Variants in HPX observed in about 807,000 individuals in gnomAD.
HPX encodes hemopexin.
In HPX, 42 loss-of-function variants were observed where a neutral mutation model predicts 53.8. The observed-to-expected ratio is 0.78, with a 90% CI of 0.61 to 1.01. The LOEUF is 1.01. Ranked by LOEUF, HPX falls within the 50% of genes least tolerant of loss-of-function variation. HPX has a pLI of 0.00. For missense variants in HPX, 547 were observed against 594.3 expected, an observed-to-expected ratio of 0.92 and a Z score of 0.83; for synonymous variants, 229 against 221.1, an observed-to-expected ratio of 1.04 and a Z score of -0.32.
chr11:6,440,912 A>G lies in HPX; in HGVS notation c.52T>C (p.Trp18Arg), dbSNP rs1235546450. 6.2e-7 allele frequency: 1 copy of G among 1,612,984 alleles called. No individual in the cohort carries two copies. Among genetic ancestry groups the G allele is most frequent in the African/African-American group, 1.3e-5 (1 of 75,026 alleles). ...PVALGLWSLC[W>R]SLAIATPLPP... ...AGAGGGGTGGCAATGGCCAGAGACC[A>G]GCATAGGCTCCACAACCCCAGTGCA... Residue 18 changes from tryptophan to arginine, a missense_variant, in exon 1 of 10, where the codon TGG becomes CGG. Transcript: ENST00000265983.
chr11:6,431,512 GGGGAT>G (rs1849347973), intron 9 of HPX, 42 bp from the exon 10 acceptor site: 1 of 1,612,402 alleles, frequency 6.2e-7, no homozygotes, highest in Admixed American at 1.7e-5. Context: ...TCCATGTCAT[GGGGAT>G]CCTGACCTAG....
chr11:6,433,739 T>C (rs562370349), intron 7 of HPX, among the ~76,000 whole-genome samples: 4 of 152,360 alleles, frequency 2.6e-5, no homozygotes, highest in South Asian at 2.1e-4. Context: ...CTCCCTTTTA[T>C]GGTTGAAAAC....
At position 6,431,485 on chromosome 11, in the gene HPX, C is replaced by T; in HGVS notation, c.1130-15G>A. 11 of 1,613,880 alleles carry T rather than the reference C, an allele frequency of 6.8e-6. No homozygotes were observed. The highest frequency in any genetic ancestry group is 5.0e-5 in the Admixed American group (3 of 60,020). On this transcript the variant is annotated splice_polypyrimidine_tract_variant and intron_variant, in intron 9 of 9. Transcript: ENST00000265983. ...CAGCCGCCGTCCTGGGGAGAAGGCACCAAACATAGCATGGCTTCCATGTCA... is the reference window on the plus strand; with the variant it reads ...CAGCCGCCGTCCTGGGGAGAAGGCATCAAACATAGCATGGCTTCCATGTCA...
At chr11:6,437,678 T>C in intron 5 of HPX, 26 bp from the exon 6 acceptor site, 1 of 1,595,858 alleles carries the variant, frequency 6.3e-7, no homozygotes, top group Non-Finnish European at 8.6e-7. Flanking sequence ...CAACAGGCAT[T>C]TGGTGAGACC....
chr11:6,437,716 T>G (rs1849435429), intron 5 of HPX, 64 bp from the exon 6 acceptor site: 2 of 1,347,958 alleles, frequency 1.5e-6, no homozygotes, highest in South Asian at 2.4e-5. Flanking sequence ...GTGCTTTCTC[T>G]GGGTCCCAGG....
chr11:6,440,422 G>A (rs776164132), intron 3 of HPX, 45 bp downstream of exon 3: 1 of 1,591,238 alleles, frequency 6.3e-7, no homozygotes, highest in South Asian at 1.1e-5. Flanking sequence ...TTGTGAAGGA[G>A]AGTAAGTCTA....
chr11:6,436,186 A>G (rs1173990514), intron 7 of HPX, among the ~76,000 whole-genome samples: 2 of 152,212 alleles, frequency 1.3e-5, no homozygotes, highest in Non-Finnish European at 2.9e-5. Flanking sequence ...GTATTTTTCA[A>G]CAGAACTTGA....
At position 6,431,136 on chromosome 11, in the gene HPX, A is replaced by T; in HGVS notation, c.*75T>A. On this transcript the variant is annotated 3_prime_UTR_variant, in exon 10 of 10. Transcript: ENST00000265983. ...TCATGTCAGAAGGCCCCTCAGTGAG[A>T]AGCGAAGAAGCAATCTGTCTTTATT... 6.4e-7 allele frequency: 1 copy of T among 1,569,164 alleles called. No homozygotes were observed. Among genetic ancestry groups the T allele is most frequent in the Non-Finnish European group, 8.7e-7 (1 of 1,152,158 alleles).
At position 6,431,467 on chromosome 11, in the gene HPX, C is replaced by T. The variant is rs755144869; in HGVS notation, c.1133G>A (p.Arg378Gln). Residue 378 changes from arginine to glutamine, a missense_variant, in exon 10 of 10, where the codon CGG (arginine) becomes CAG (glutamine). By Grantham distance (43) the Arg-to-Gln change is conservative. Transcript: ENST00000265983. ...GSSRLHIMAG[R>Q]RLWWLDLKSG... ...CTTCAGGTCCAGCCACCACAGCCGCCGTCCTGGGGAGAAGGCACCAAACAT... is the reference window on the plus strand; with the variant it reads ...CTTCAGGTCCAGCCACCACAGCCGCTGTCCTGGGGAGAAGGCACCAAACAT... The T allele has an allele frequency of 1.3e-5, 21 of 1,614,042 alleles. No individual in the cohort carries two copies. In the East Asian group the frequency reaches 1.3e-4, roughly 10 times the overall value.
chr11:6,435,322 A>C (rs1849401581), intron 7 of HPX, among the ~76,000 whole-genome samples: 1 of 151,998 alleles, frequency 6.6e-6, no homozygotes, highest in Admixed American at 6.6e-5. Context: ...AGAAAGAAAA[A>C]TTTACCAGTG....
Position 6,439,999 on chromosome 11 carries a change from C to T in HPX, c.336+166G>A, listed in dbSNP as rs577557655. 61 of 806,968 alleles carry T rather than the reference C, an allele frequency of 7.6e-5. 1 individual carries two copies. The highest frequency in any genetic ancestry group is 6.6e-4 in the South Asian group (45 of 68,090). The allele number at this position is 806,968 out of a possible 1,614,324, so 50.0% of individuals were successfully genotyped here. On this transcript the variant is annotated intron_variant, in intron 4 of 9. Coordinates refer to ENST00000265983, the MANE Select transcript of HPX (RefSeq NM_000613.3). ...GGATGGTGCACCTGCCAGGCCCACA[C>T]GCATGCACACTCCCTTAGCCCAAGC...
intron 3 of HPX, 46 bp downstream of exon 3, chr11:6,440,421 A>G: frequency 2.5e-6 from 4 of 1,591,588 alleles, no homozygotes; most frequent in Non-Finnish European, 3.4e-6. Flanking sequence ...TTTGTGAAGG[A>G]GAGTAAGTCT....
intron 4 of HPX, chr11:6,439,935 G>T: frequency 1.7e-6 from 1 of 579,736 alleles, no homozygotes; most frequent in Non-Finnish European, 3.1e-6. Flanking sequence ...GTACAGCAGA[G>T]CGGTGTAGAA....
Position 6,431,064 on chromosome 11 carries a change from A to T in HPX, c.*147T>A. The T allele has an allele frequency of 1.9e-6, 2 of 1,053,300 alleles. No homozygotes were observed. Among genetic ancestry groups the T allele is most frequent in the Non-Finnish European group, 1.3e-6 (1 of 746,818 alleles). The allele number at this position is 1,053,300 out of a possible 1,614,324, so 65.2% of individuals were successfully genotyped here. ...GGTCCCTTGATTCAAGTGAAGAAGC[A>T]ATCTGTCTTTATTATGAGAAACTGG... On this transcript the variant is annotated 3_prime_UTR_variant, in exon 10 of 10. Coordinates refer to ENST00000265983, the MANE Select transcript of HPX (RefSeq NM_000613.3).
In HPX at chr11:6,440,911, C is replaced by A; in HGVS notation, c.53G>T (p.Trp18Leu). The stretch of plus-strand genomic sequence containing the variant: ...AAGAGGGGTGGCAATGGCCAGAGAC[C>A]AGCATAGGCTCCACAACCCCAGTGC... Reference protein sequence around the residue: ...PVALGLWSLCWSLAIATPLPP... With the variant: ...PVALGLWSLCLSLAIATPLPP... The change falls in exon 1 of 10, where the codon TGG becomes TTG. Residue 18 changes from tryptophan (W) to leucine (L), a missense_variant. Trp to Leu is a moderately conservative substitution (Grantham distance 61, BLOSUM62 -2). Coordinates refer to ENST00000265983, the MANE Select transcript of HPX (RefSeq NM_000613.3). 1 of 1,612,904 alleles carries A rather than the reference C, an allele frequency of 6.2e-7. No individual in the cohort carries two copies. The highest frequency in any genetic ancestry group is 8.5e-7 in the Non-Finnish European group (1 of 1,179,454).
chr11:6,440,674 G>C lies in HPX; in HGVS notation c.140C>G (p.Thr47Ser), dbSNP rs949884042. 1.9e-6 allele frequency: 3 copies of C among 1,611,884 alleles called. No homozygotes were observed. In the African/African-American group the frequency reaches 4.0e-5, roughly 22 times the overall value. The change falls in exon 2 of 10, where the codon ACT (threonine) becomes AGT (serine). Residue 47 changes from threonine to serine, a missense_variant and splice_region_variant. By Grantham distance (58) the Thr-to-Ser change is moderately conservative. Coordinates refer to ENST00000265983, the MANE Select transcript of HPX (RefSeq NM_000613.3). ...EGETKPDPDV[T>S]ERCSDGWSFD... Reference sequence around the variant, plus strand: ...GACTTAGGGAGTCAGGGCCTCACCAGTCACGTCTGGGTCTGGCTTGGTCTC... The same window carrying C: ...GACTTAGGGAGTCAGGGCCTCACCACTCACGTCTGGGTCTGGCTTGGTCTC...
Position 6,440,663 on chromosome 11 carries a change from G to C in HPX, c.142+9C>G. 6.2e-7 allele frequency: 1 copy of C among 1,611,896 alleles called. No individual in the cohort carries two copies. Among genetic ancestry groups the C allele is most frequent in the Non-Finnish European group, 8.5e-7 (1 of 1,179,160 alleles). ...CAGATAAGACAGACTTAGGGAGTCA[G>C]GGCCTCACCAGTCACGTCTGGGTCT... On this transcript the variant is annotated intron_variant, in intron 2 of 9. Transcript: ENST00000265983.
intron 4 of HPX, chr11:6,439,857 T>G: frequency 2.5e-6 from 1 of 398,072 alleles, no homozygotes; most frequent in African/African-American, 2.1e-5. Context: ...TGAAGAGGAC[T>G]TGATACAGGG....
Position 6,431,974 on chromosome 11 carries a change from A to C in HPX, c.879T>G (p.His293Gln), listed in dbSNP as rs769827936. 5 of 1,614,206 alleles carry C rather than the reference A, an allele frequency of 3.1e-6. No homozygotes were observed. Among genetic ancestry groups the C allele is most frequent in the South Asian group, 1.1e-5 (1 of 91,082 alleles). ...WRLDTSRDGW[H>Q]SWPIAHQWPQ... ...GCCACTGATGAGCAATGGGCCAGCT[A>C]TGCCAGCCATCCCGGCTGGTGTCCA... is the stretch of plus-strand genomic sequence containing the variant. The change falls in exon 8 of 10, where the codon CAT becomes CAG. Residue 293 changes from histidine (H) to glutamine (Q), a missense_variant. Transcript: ENST00000265983.
Sources: allele counts gnomAD v4.1 joint callset (sites outside exome capture counted in the v4.1 genomes callset), GRCh38; gene constraint gnomAD v4.1.1; transcripts MANE v1.5; gene names NCBI Gene and HGNC (gene_info 2026-07-23, HGNC 2026-07-21).